Variants in RABGAP1 observed in about 807,000 individuals in gnomAD.
The protein encoded by RABGAP1 is rab GTPase-activating protein 1.
Under a neutral mutation model 137.6 loss-of-function variants are expected in RABGAP1, and 23 were observed. The observed-to-expected ratio is 0.17, with a 90% CI of 0.12 to 0.24. The LOEUF (loss-of-function observed/expected upper bound fraction) is 0.24, where lower values mean the gene tolerates loss of function less well. Among genes scored for constraint, RABGAP1 ranks in the 10% least tolerant of loss-of-function variants. RABGAP1 has a pLI of 1.00. For synonymous variants in RABGAP1, 451 were observed against 450.7 expected, an observed-to-expected ratio of 1.00 and a Z score of -0.01; for missense variants, 906 against 1,275.8, an observed-to-expected ratio of 0.71 and a Z score of 4.42.
Position 123,070,636 on chromosome 9 carries a change from CA to C in RABGAP1, c.1983+213del, listed in dbSNP as rs1265531349. Among the ~76,000 whole-genome samples, 4 of 152,192 alleles carry C rather than the reference CA, an allele frequency of 2.6e-5. No homozygotes were observed. The highest frequency in any genetic ancestry group is 5.9e-5 in the Non-Finnish European group (4 of 68,046). On this transcript the variant is annotated intron_variant, in intron 15 of 25. Transcript: ENST00000373647. This position sits in a 1 kb window ranked among gnomAD's most constrained non-coding sequence, Gnocchi z 4.4. ...TAAACGGCAATGTTGAAAACTGGTA[CA>C]GGGGTAGACTTCCTTTTTATTAATA... is the stretch of plus-strand genomic sequence containing the variant.
intron 17 of RABGAP1, among the ~76,000 whole-genome samples, chr9:123,075,607 T>C (rs1047046097): frequency 4.6e-5 from 7 of 152,230 alleles, no homozygotes; most frequent in Non-Finnish European, 8.8e-5. Flanking sequence ...AAATTGTTTC[T>C]AGCTTTTTAG....
At chr9:122,996,279 A>G in intron 7 of RABGAP1, 128 bp downstream of exon 7, 1 of 1,412,552 alleles carries the variant, frequency 7.1e-7, no homozygotes, top group Non-Finnish European at 9.3e-7. Flanking sequence ...TATTTTGTTT[A>G]CTGAAGTCAG....
intron 25 of RABGAP1, 127 bp downstream of exon 25, chr9:123,101,890 T>C: frequency 4.0e-6 from 4 of 999,342 alleles, no homozygotes; most frequent in Non-Finnish European, 5.6e-6. Flanking sequence ...ACAGTTGTCA[T>C]GAGAAGAAAT....
chr9:122,997,857 G>A (rs190375326), intron 9 of RABGAP1, among the ~76,000 whole-genome samples: 70 of 152,238 alleles, frequency 4.6e-4, no homozygotes, highest in Non-Finnish European at 8.4e-4. Context: ...TTCTGAAAAT[G>A]TAATTTGCTT....
At chr9:122,996,410 C>T in intron 7 of RABGAP1, 129 bp from the exon 8 acceptor site, 1 of 1,121,014 alleles carries the variant, frequency 8.9e-7, no homozygotes, top group Non-Finnish European at 1.2e-6. Flanking sequence ...ATTTTAGCAA[C>T]ACAAATTTAT....
chr9:123,099,637 T>A, intron 24 of RABGAP1, 88 bp downstream of exon 24: 1 of 1,160,128 alleles, frequency 8.6e-7, no homozygotes, highest in Non-Finnish European at 1.3e-6. Flanking sequence ...GCAGTTGATT[T>A]CAAAAGTGAG....
At chr9:122,949,382 G>A (rs904870867) in intron 1 of RABGAP1, among the ~76,000 whole-genome samples, 6 of 152,110 alleles carry the variant, frequency 3.9e-5, no homozygotes, top group African/African-American at 7.2e-5. Flanking sequence ...GCGTGGTGGC[G>A]GGCACCTGTA....
At chr9:123,043,791 G>A (rs1166386210) in intron 13 of RABGAP1, among the ~76,000 whole-genome samples, 1 of 152,088 alleles carries the variant, frequency 6.6e-6, no homozygotes, top group Admixed American at 6.5e-5. Context: ...TTTAAAAAAA[G>A]GAGAGGTGAA....
chr9:123,071,363 A>T (rs1211468675), intron 15 of RABGAP1: 3 of 152,210 alleles, frequency 2.0e-5, no homozygotes, highest in Admixed American at 6.5e-5. Context: ...ACAAATTGTC[A>T]TATAAAATGT....
At chr9:123,021,217 A>G (rs1281517515) in intron 13 of RABGAP1, among the ~76,000 whole-genome samples, 1 of 152,066 alleles carries the variant, frequency 6.6e-6, no homozygotes, top group Non-Finnish European at 1.5e-5. Flanking sequence ...GACAGAAGGT[A>G]AAACTTTGTC....
At chr9:123,085,587 G>A (rs528703604) in intron 19 of RABGAP1, among the ~76,000 whole-genome samples, 1 of 152,320 alleles carries the variant, frequency 6.6e-6, no homozygotes, top group Admixed American at 6.5e-5. Context: ...GATTTCCAAA[G>A]CCTTCTGATA....
At chr9:122,995,171 C>A (rs1325291334) in intron 6 of RABGAP1, among the ~76,000 whole-genome samples, 3 of 152,110 alleles carry the variant, frequency 2.0e-5, no homozygotes, top group Non-Finnish European at 4.4e-5. Flanking sequence ...TGTTTATTAA[C>A]CTTATCACTA....
At chr9:122,942,034 GA>G (rs1457981439) in intron 1 of RABGAP1, among the ~76,000 whole-genome samples, 1 of 152,240 alleles carries the variant, frequency 6.6e-6, no homozygotes, top group Middle Eastern at 3.4e-3. Context: ...TTTTGTCAGG[GA>G]AAAAAACCTG....
chr9:123,043,016 A>C (rs981134660), intron 13 of RABGAP1, among the ~76,000 whole-genome samples: 3 of 152,176 alleles, frequency 2.0e-5, no homozygotes, highest in Non-Finnish European at 2.9e-5. Flanking sequence ...ATAATGGGTA[A>C]TAGCTTCAGA....
At chr9:122,931,943 C>T in the RABGAP1 span, among the ~76,000 whole-genome samples, 3 of 152,174 alleles carry the variant, frequency 2.0e-5, no homozygotes, top group Non-Finnish European at 4.4e-5. Context: ...AAAGCTCTCC[C>T]CTCACTTTTG....
At chr9:123,074,653 A>G (rs1327960184) in intron 17 of RABGAP1, among the ~76,000 whole-genome samples, 1 of 152,240 alleles carries the variant, frequency 6.6e-6, no homozygotes, top group Non-Finnish European at 1.5e-5. Context: ...CATTTGTATT[A>G]GTTCATATTA....
chr9:123,044,498 C>T (rs948079252), intron 13 of RABGAP1, among the ~76,000 whole-genome samples: 2 of 152,080 alleles, frequency 1.3e-5, no homozygotes, highest in Admixed American at 6.5e-5. Context: ...TGTATCACTA[C>T]GCCTCCATAG....
At chr9:123,005,836 A>G (rs558085853) in intron 10 of RABGAP1, among the ~76,000 whole-genome samples, 5 of 152,328 alleles carry the variant, frequency 3.3e-5, no homozygotes, top group South Asian at 2.1e-4. Flanking sequence ...ATATTTGCCA[A>G]ATTCCCTTCT....
chr9:122,987,714 A>G (rs1394742385), intron 4 of RABGAP1, among the ~76,000 whole-genome samples: 1 of 152,182 alleles, frequency 6.6e-6, no homozygotes, highest in Non-Finnish European at 1.5e-5. Context: ...GATGATAGCT[A>G]GTTTTAATTA....
Sources: gnomAD v4.1 joint callset for allele counts (sites outside exome capture counted in the v4.1 genomes callset) on GRCh38, gnomAD v4.1.1 for gene constraint, Gnocchi (gnomAD v3.1) non-coding constraint, MANE v1.5 for transcripts, NCBI Gene and HGNC (gene_info 2026-07-23, HGNC 2026-07-21) for gene names.